NFILZ: variants seen among roughly 807,000 people sequenced by gnomAD.
NFILZ encodes the protein NFIL3 like protein.
At position 8,680,006 on chromosome 19, in the gene NFILZ, G is replaced by A. The variant is rs111552407; in HGVS notation, c.*2371G>A. 0.013 allele frequency among the ~76,000 whole-genome samples: 2,018 copies of A among 151,946 alleles called. 23 individuals are homozygous for A. The highest frequency in any genetic ancestry group is 0.019 in the Non-Finnish European group (1,284 of 67,960). ...AGGTCAGGAGTTCGAGACCAGCCTGGCCAACATGATGAAGCCCCGTCTCTA... is the reference window on the plus strand; with the variant it reads ...AGGTCAGGAGTTCGAGACCAGCCTGACCAACATGATGAAGCCCCGTCTCTA... On this transcript the variant is annotated 3_prime_UTR_variant, in exon 6 of 6. Coordinates refer to ENST00000691075, the MANE Select transcript of NFILZ (RefSeq NM_001378600.1).
At chr19:8,656,499 C>CAGCCCACCTTCTCTCTGA (rs1555748482) in intron 3 of NFILZ, among the ~76,000 whole-genome samples, 12 of 32,774 alleles carry the variant, frequency 3.7e-4, no homozygotes, top group African/African-American at 8.5e-4. Flanking sequence ...CCTTCTCCCG[C>CAGCCCACCTTCTCTCTGA]AGCCCACCTT....
intron 3 of NFILZ, among the ~76,000 whole-genome samples, chr19:8,654,000 A>G (rs2042980777): frequency 6.6e-6 from 1 of 152,080 alleles, no homozygotes; most frequent in African/African-American, 2.4e-5. Flanking sequence ...AGGCCAAGGC[A>G]GGTGGATCAC....
chr19:8,650,653 CAAAA>C (rs201551767), intron 3 of NFILZ, among the ~76,000 whole-genome samples: 7 of 108,342 alleles, frequency 6.5e-5, no homozygotes, highest in Admixed American at 2.8e-4. Context: ...GATTCTGTCT[CAAAA>C]AAAAAAAAAA....
rs1459202676 is a variant in NFILZ, at chr19:8,677,773, G to A, written c.*138G>A. The stretch of plus-strand genomic sequence containing the variant: ...GAAGTAGGGGTGCCCTGGCTTGGAA[G>A]GTCCACTTCACAGCTTCCATACCAG... On this transcript the variant is annotated 3_prime_UTR_variant, in exon 6 of 6. Coordinates refer to ENST00000691075, the MANE Select transcript of NFILZ (RefSeq NM_001378600.1). Among the ~76,000 whole-genome samples the A allele has an allele frequency of 6.6e-6, 1 of 152,084 alleles. No homozygotes were observed. The highest frequency in any genetic ancestry group is 2.4e-5 in the African/African-American group (1 of 41,406).
At chr19:8,661,957 T>C (rs1555749166) in intron 3 of NFILZ, among the ~76,000 whole-genome samples, 2 of 151,880 alleles carry the variant, frequency 1.3e-5, no homozygotes. Flanking sequence ...CCCAGTGCTT[T>C]GGGAAACTGA....
At chr19:8,646,769 G>A (rs2042940723) in intron 3 of NFILZ, among the ~76,000 whole-genome samples, 1 of 152,074 alleles carries the variant, frequency 6.6e-6, no homozygotes, top group Non-Finnish European at 1.5e-5. Flanking sequence ...CAGGACCTTT[G>A]TCTGTGCTGT....
At chr19:8,633,021 CT>C (rs140247462) in intron 2 of NFILZ, among the ~76,000 whole-genome samples, 51 of 118,464 alleles carry the variant, frequency 4.3e-4, no homozygotes, top group African/African-American at 1.6e-3. Flanking sequence ...CTGCACCTGC[CT>C]TTTTTTTTTT....
intron 3 of NFILZ, among the ~76,000 whole-genome samples, chr19:8,643,882 A>G (rs905506405): frequency 2.0e-5 from 3 of 152,072 alleles, no homozygotes; most frequent in South Asian, 2.1e-4. Flanking sequence ...CTCTCTCTCC[A>G]CCTTTCTGAT....
At chr19:8,637,912 C>CAAAAAAAAAAAAAAA (rs35778716) in intron 3 of NFILZ, among the ~76,000 whole-genome samples, 5 of 20,270 alleles carry the variant, frequency 2.5e-4, no homozygotes, top group African/African-American at 3.4e-4. Context: ...AAGATGGTCT[C>CAAAAAAAAAAAAAAA]AAAAAAAAAA....
chr19:8,652,093 C>A (rs1460825398), intron 3 of NFILZ, among the ~76,000 whole-genome samples: 1 of 150,884 alleles, frequency 6.6e-6, no homozygotes, highest in Non-Finnish European at 1.5e-5. Flanking sequence ...TTTGCTGTGA[C>A]CACTGGGAGA....
At chr19:8,633,402 C>T (rs1600136791) in intron 2 of NFILZ, among the ~76,000 whole-genome samples, 1 of 152,134 alleles carries the variant, frequency 6.6e-6, no homozygotes, top group South Asian at 2.1e-4. Context: ...GACCTAAGAA[C>T]CCTCTTTTGG....
chr19:8,656,423 T>TTCCCTGAAGCCCACCTC, intron 3 of NFILZ, among the ~76,000 whole-genome samples: 1 of 58,710 alleles, frequency 1.7e-5, no homozygotes, highest in South Asian at 5.0e-4. Context: ...AACCCACCTC[T>TTCCCTGAAGCCCACCTC]TTCCGCAGCC....
intron 3 of NFILZ, among the ~76,000 whole-genome samples, chr19:8,666,222 C>T (rs538838513): frequency 6.6e-6 from 1 of 152,100 alleles, no homozygotes; most frequent in Admixed American, 6.5e-5. Context: ...GTATCTTCTT[C>T]TTCTTCTTAT....
Position 8,653,579 on chromosome 19 carries a change from C to A in NFILZ, c.-164+17833C>A, listed in dbSNP as rs568949024. 1.1e-4 allele frequency among the ~76,000 whole-genome samples: 17 copies of A among 152,196 alleles called. No homozygotes were observed. The South Asian group carries it at 3.3e-3, about 30-fold the overall frequency. Reference sequence around the variant, plus strand: ...AAAGATATGGAACCAACCGGTGTGGCCATCAATCAATGAGTGGATAAAGAA... The same window carrying A: ...AAAGATATGGAACCAACCGGTGTGGACATCAATCAATGAGTGGATAAAGAA... On this transcript the variant is annotated intron_variant, in intron 3 of 5. Transcript: ENST00000691075.
intron 3 of NFILZ, among the ~76,000 whole-genome samples, chr19:8,640,893 G>A (rs1324809664): frequency 2.6e-5 from 4 of 152,170 alleles, no homozygotes; most frequent in Non-Finnish European, 4.4e-5. Flanking sequence ...TCTGAGACGA[G>A]GGTGCAGATA....
At chr19:8,650,866 A>G (rs936980318) in intron 3 of NFILZ, among the ~76,000 whole-genome samples, 8 of 152,138 alleles carry the variant, frequency 5.3e-5, no homozygotes, top group African/African-American at 1.7e-4. Flanking sequence ...GCGCATTTTC[A>G]TCATTTATTC....
In NFILZ at chr19:8,680,640, A is replaced by G. The variant is rs570246156; in HGVS notation, c.*3005A>G. Among the ~76,000 whole-genome samples the G allele has an allele frequency of 6.6e-6, 1 of 152,302 alleles. No individual in the cohort carries two copies. The highest frequency in any genetic ancestry group is 2.1e-4 in the South Asian group (1 of 4,820). On this transcript the variant is annotated 3_prime_UTR_variant, in exon 6 of 6. Coordinates refer to ENST00000691075, the MANE Select transcript of NFILZ (RefSeq NM_001378600.1). ...ATAGATTAAAAAATAAGAAAAACAT[A>G]TAGTAGGATCAATGATGATACGTGT...
chr19:8,653,628 A>C (rs542914331), intron 3 of NFILZ, among the ~76,000 whole-genome samples: 19 of 152,334 alleles, frequency 1.2e-4, no homozygotes, highest in Admixed American at 5.2e-4. Flanking sequence ...TACATCATGG[A>C]ATATTATTCA....
At chr19:8,656,480 C>T (rs1194419158) in intron 3 of NFILZ, among the ~76,000 whole-genome samples, 879 of 43,608 alleles carry the variant, frequency 0.02, 75 homozygotes, top group South Asian at 0.047. Context: ...CACCTTCTCC[C>T]GCAGCCCACC....
Sources: gnomAD v4.1 joint callset for allele counts (sites outside exome capture counted in the v4.1 genomes callset) on GRCh38, gnomAD v4.1.1 for gene constraint, MANE v1.5 for transcripts, NCBI Gene and HGNC (gene_info 2026-07-23, HGNC 2026-07-21) for gene names.